ARHGEF7: variants seen among roughly 807,000 people sequenced by gnomAD.
The protein encoded by ARHGEF7 is Rho guanine nucleotide exchange factor 7.
ARHGEF7 carries 33 observed loss-of-function variants against 109.8 expected under a neutral mutation model. The ratio of observed to expected loss-of-function variants is 0.30; its 90% confidence interval spans 0.23 to 0.40. ARHGEF7 has a LOEUF of 0.40. Among genes scored for constraint, ARHGEF7 ranks in the 10% least tolerant of loss-of-function variants. The probability of loss-of-function intolerance (pLI) is 1.00; values close to 1 mark genes in which losing one functional copy is unlikely to be tolerated. For missense variants in ARHGEF7, 938 were observed against 1,098.5 expected (o/e 0.85, Z 2.07); for synonymous variants, 458 against 424.6 (o/e 1.08, Z -0.97).
chr13:111,209,987 C>G lies in ARHGEF7; in HGVS notation c.453C>G (p.Gly151=), dbSNP rs772066171. ...LHTRTSKLFQ[G]QYRSLDMTDN... is the part of the protein sequence containing the mutation. ...CTCGGACTTCAAAACTGTTCCAGGG[C>G]CAGTATCGGAGTTTGGTAAGTTTGA... Residue 151 remains glycine, a synonymous_variant, in exon 4 of 22, where the codon GGC becomes GGG. Coordinates refer to ENST00000646102, the MANE Select transcript of ARHGEF7 (RefSeq NM_001354046.2). 6.2e-7 allele frequency: 1 copy of G among 1,614,098 alleles called. No individual in the cohort carries two copies. The highest frequency in any genetic ancestry group is 8.5e-7 in the Non-Finnish European group (1 of 1,180,014).
intron 19 of ARHGEF7, chr13:111,294,541 C>G (rs2093382287): frequency 5.1e-6 from 5 of 985,414 alleles, no homozygotes; most frequent in Middle Eastern, 5.2e-4. Flanking sequence ...TTTCTTGATG[C>G]TAAGATCACT....
chr13:111,202,852 G>T (rs540916879), intron 2 of ARHGEF7, among the ~76,000 whole-genome samples: 1 of 152,220 alleles, frequency 6.6e-6, no homozygotes, highest in Non-Finnish European at 1.5e-5. Context: ...GAAACATTTT[G>T]TTGGCTGAGA....
chr13:111,240,374 T>C (rs1332910456), intron 6 of ARHGEF7, among the ~76,000 whole-genome samples: 2 of 146,956 alleles, frequency 1.4e-5, no homozygotes, highest in African/African-American at 5.5e-5. Flanking sequence ...CTCTCCAAAC[T>C]TTTTTTGAGA....
chr13:111,304,040 G>C lies in ARHGEF7; in HGVS notation c.*927G>C, dbSNP rs1053622636. ...GATGAAAACAGATGGAGGCCATGCTGCAGGCTGATACTGATGGGTGGAGTT... is the reference window on the plus strand; with the variant it reads ...GATGAAAACAGATGGAGGCCATGCTCCAGGCTGATACTGATGGGTGGAGTT... On this transcript the variant is annotated 3_prime_UTR_variant, in exon 22 of 22. Transcript: ENST00000646102. The C allele has an allele frequency of 2.0e-5, 3 of 152,254 alleles. No individual in the cohort carries two copies. The highest frequency in any genetic ancestry group is 2.0e-4 in the Admixed American group (3 of 15,290). 9.4% of individuals were successfully genotyped at this position (152,254 alleles called of 1,614,324 possible). A position where few individuals can be genotyped will look rare whatever the true frequency, so the allele number is the denominator to read the frequency against.
At position 111,233,213 on chromosome 13, in the gene ARHGEF7, G is replaced by A. The variant is rs577142734; in HGVS notation, c.679G>A (p.Val227Met). The change falls in exon 6 of 22, where the codon GTG becomes ATG. Residue 227 changes from valine to methionine, a missense_variant. By Grantham distance (21) the Val-to-Met change is conservative. Coordinates refer to ENST00000646102, the MANE Select transcript of ARHGEF7 (RefSeq NM_001354046.2). The part of the protein sequence containing the change: ...VREVKASEKP[V>M]SPKSGTLKSP... ...TTACATTTTCATTTCAGAGAAGCCT[G>A]TGTCTCCCAAATCAGGAACACTGAA... 1 of 1,613,674 alleles carries A rather than the reference G, an allele frequency of 6.2e-7. No individual in the cohort carries two copies. Among genetic ancestry groups the A allele is most frequent in the Non-Finnish European group, 8.5e-7 (1 of 1,179,592 alleles).
At chr13:111,234,098 C>T (rs1229007138) in intron 6 of ARHGEF7, among the ~76,000 whole-genome samples, 1 of 152,222 alleles carries the variant, frequency 6.6e-6, no homozygotes. Context: ...TCTTCCCCTA[C>T]TCCCAATCTT....
At chr13:111,296,430 G>A (rs551140173) in intron 19 of ARHGEF7, among the ~76,000 whole-genome samples, 2 of 152,294 alleles carry the variant, frequency 1.3e-5, no homozygotes, top group East Asian at 1.9e-4. Flanking sequence ...AATGCTTGCT[G>A]CAGGATTTTT....
intron 1 of ARHGEF7, among the ~76,000 whole-genome samples, chr13:111,132,901 A>G (rs1171738046): frequency 1.3e-5 from 2 of 151,878 alleles, no homozygotes; most frequent in Admixed American, 6.6e-5. Context: ...GGAAGGGAGA[A>G]TGATATACAC....
chr13:111,211,648 CCT>C (rs1292132891), intron 4 of ARHGEF7, among the ~76,000 whole-genome samples: 5 of 152,152 alleles, frequency 3.3e-5, no homozygotes, highest in Non-Finnish European at 7.3e-5. Flanking sequence ...ATGTGCAAGA[CCT>C]CTCTCAGCCA....
intron 3 of ARHGEF7, among the ~76,000 whole-genome samples, chr13:111,208,563 C>T (rs892660500): frequency 2.0e-5 from 3 of 152,128 alleles, no homozygotes; most frequent in African/African-American, 7.2e-5. Flanking sequence ...CAGGATGGCC[C>T]TCCTTGTATG....
intron 3 of ARHGEF7, among the ~76,000 whole-genome samples, chr13:111,208,241 T>C (rs1482691155): frequency 2.0e-5 from 3 of 152,172 alleles, no homozygotes; most frequent in East Asian, 1.9e-4. Context: ...GGTTTCTCCA[T>C]GTTGGTCAGG....
At chr13:111,290,945 G>A (rs990508353) in intron 18 of ARHGEF7, among the ~76,000 whole-genome samples, 1 of 152,180 alleles carries the variant, frequency 6.6e-6, no homozygotes, top group Non-Finnish European at 1.5e-5. Flanking sequence ...TTAGTAAAAC[G>A]GGTTTTAGAA....
At chr13:111,186,095 C>T (rs1406917893) in intron 2 of ARHGEF7, among the ~76,000 whole-genome samples, 1 of 151,892 alleles carries the variant, frequency 6.6e-6, no homozygotes, top group Non-Finnish European at 1.5e-5. Flanking sequence ...TGGTCCTAAG[C>T]AGGGAGGTGT....
At chr13:111,227,733 A>G (rs1463182214) in intron 5 of ARHGEF7, among the ~76,000 whole-genome samples, 2 of 152,058 alleles carry the variant, frequency 1.3e-5, no homozygotes, top group South Asian at 2.1e-4. Context: ...CTTTGTGATT[A>G]ATTTGTTCTT....
chr13:111,190,808 ACAT>A (rs1205861941), intron 2 of ARHGEF7, among the ~76,000 whole-genome samples: 1 of 152,164 alleles, frequency 6.6e-6, no homozygotes, highest in African/African-American at 2.4e-5. Flanking sequence ...TAAGAAGAAT[ACAT>A]CTTGGCTGGG....
intron 1 of ARHGEF7, 46 bp from the exon 2 acceptor site, chr13:111,153,858 TC>T: frequency 1.3e-6 from 2 of 1,575,006 alleles, no homozygotes; most frequent in Non-Finnish European, 8.6e-7. Flanking sequence ...GTCCGCGGCG[TC>T]CCCGCTGCCG....
intron 1 of ARHGEF7, among the ~76,000 whole-genome samples, chr13:111,148,885 G>A (rs1377205089): frequency 1.3e-5 from 2 of 152,146 alleles, no homozygotes; most frequent in African/African-American, 4.8e-5. Flanking sequence ...ACCATATCTG[G>A]ACTTTGTCCA....
At chr13:111,138,051 C>A (rs753564366) in intron 1 of ARHGEF7, among the ~76,000 whole-genome samples, 1 of 152,116 alleles carries the variant, frequency 6.6e-6, no homozygotes, top group African/African-American at 2.4e-5. Flanking sequence ...CGGTGGCTCA[C>A]GCCTGTAATC....
intron 1 of ARHGEF7, among the ~76,000 whole-genome samples, chr13:111,146,717 G>C: frequency 6.6e-6 from 1 of 152,164 alleles, no homozygotes; most frequent in East Asian, 1.9e-4. Context: ...GGTGGCAGCT[G>C]TCTTAGTCGG....
Sources: gnomAD v4.1 joint callset for allele counts (sites outside exome capture counted in the v4.1 genomes callset) on GRCh38, gnomAD v4.1.1 for gene constraint, MANE v1.5 for transcripts, NCBI Gene and HGNC (gene_info 2026-07-23, HGNC 2026-07-21) for gene names.